The following ZSCAN5A variants were observed in gnomAD, a reference collection of about 807,000 sequenced individuals.
ZSCAN5A encodes the protein zinc finger and SCAN domain-containing protein 5A.
In ZSCAN5A, 12 loss-of-function variants were observed where a neutral mutation model predicts 23.7. The observed-to-expected ratio is 0.51, with a 90% CI of 0.32 to 0.82. The LOEUF (loss-of-function observed/expected upper bound fraction) is 0.82, where lower values mean the gene tolerates loss of function less well. ZSCAN5A is among the 40% of genes least tolerant of loss of function. ZSCAN5A has a pLI of 0.03. For missense variants in ZSCAN5A, 597 were observed against 617.9 expected, an observed-to-expected ratio of 0.97 and a Z score of 0.36; for synonymous variants, 257 against 239.9, an observed-to-expected ratio of 1.07 and a Z score of -0.66.
At chr19:56,281,817 C>A in intron 2 of ZSCAN5A, 1 of 449,582 alleles carries the variant, frequency 2.2e-6, no homozygotes, top group Non-Finnish European at 2.9e-6. Context: ...GGGGCAGATT[C>A]AGATGTCCTC....
At chr19:56,319,219 T>G (rs563884541), upstream of ZSCAN5A, among the ~76,000 whole-genome samples, 57 of 151,604 alleles carry the variant, frequency 3.8e-4, no homozygotes, top group Admixed American at 3.7e-3. Context: ...AACTTATGGC[T>G]GGGTGCAGTG....
At chr19:56,278,973 C>T (rs2038472412) in intron 2 of ZSCAN5A, among the ~76,000 whole-genome samples, 1 of 152,216 alleles carries the variant, frequency 6.6e-6, no homozygotes, top group Admixed American at 6.5e-5. Context: ...ACCTAGTCTT[C>T]CAACTCACAC....
At chr19:56,298,548 G>A (rs576201568) in intron 2 of ZSCAN5A, among the ~76,000 whole-genome samples, 127 of 152,068 alleles carry the variant, frequency 8.4e-4, no homozygotes, top group South Asian at 5.4e-3. Flanking sequence ...AGCTACTCGG[G>A]AGGCTGAGGC....
Position 56,329,006 on chromosome 19 carries a change from A to AAAAAT in ZSCAN5A, c.-357-12739_-357-12738insATTTT, listed in dbSNP as rs1555811870. The stretch of plus-strand genomic sequence containing the variant: ...CGAGACTCCGTCTCAAAAAAAAAAA[A>AAAAAT]AAATAAATAAATAAATAAATAAAAG... On this transcript the variant is annotated intron_variant, in intron 2 of 6. Coordinates refer to the ZSCAN5A transcript ENST00000587340. Among the ~76,000 whole-genome samples, 1,105 of 144,524 alleles carry AAAAAT rather than the reference A, an allele frequency of 7.6e-3. 13 individuals are homozygous for AAAAAT. The highest frequency in any genetic ancestry group is 0.028 in the African/African-American group (1,054 of 37,298). The allele number at this position is 144,524 out of a possible 152,430, so 94.8% of individuals were successfully genotyped here.
intron 2 of ZSCAN5A, among the ~76,000 whole-genome samples, chr19:56,239,283 C>T (rs2035223901): frequency 6.6e-6 from 1 of 152,184 alleles, no homozygotes; most frequent in Non-Finnish European, 1.5e-5. Context: ...AATGAATGAG[C>T]CACAATTTGA....
chr19:56,255,841 C>G (rs1268622709), intron 2 of ZSCAN5A, among the ~76,000 whole-genome samples: 1 of 152,122 alleles, frequency 6.6e-6, no homozygotes, highest in African/African-American at 2.4e-5. Flanking sequence ...TCTGAGGAGG[C>G]AGAAAACATG....
upstream of ZSCAN5A, chr19:56,315,906 A>G (rs2041302109): frequency 6.6e-6 from 1 of 152,214 alleles, no homozygotes; most frequent in African/African-American, 2.4e-5. Flanking sequence ...GATGATCACC[A>G]TTCTTACCTT....
intron 2 of ZSCAN5A, chr19:56,228,431 T>C (rs1377761511): frequency 2.0e-6 from 2 of 985,294 alleles, no homozygotes; most frequent in African/African-American, 1.7e-5. Context: ...GCGTTGATTA[T>C]GGTTCCCACT....
chr19:56,319,774 C>G (rs1468310576), upstream of ZSCAN5A: 2 of 765,826 alleles, frequency 2.6e-6, no homozygotes, highest in African/African-American at 3.4e-5. Flanking sequence ...CATCCTAAGC[C>G]CGGTCCCTCC....
intron 2 of ZSCAN5A, among the ~76,000 whole-genome samples, chr19:56,309,635 C>G (rs2040905784): frequency 1.3e-5 from 2 of 152,200 alleles, no homozygotes; most frequent in Non-Finnish European, 2.9e-5. Context: ...CAGAAGCAAA[C>G]CTTAAGGTTC....
intron 2 of ZSCAN5A, among the ~76,000 whole-genome samples, chr19:56,344,049 G>A (rs1321181504): frequency 1.3e-5 from 2 of 151,972 alleles, no homozygotes; most frequent in Non-Finnish European, 2.9e-5. Context: ...ACTGTGATAG[G>A]CATCATTTAA....
chr19:56,290,030 C>T (rs776150504), intron 2 of ZSCAN5A, among the ~76,000 whole-genome samples: 5 of 152,340 alleles, frequency 3.3e-5, no homozygotes, highest in Admixed American at 6.5e-5. Flanking sequence ...CCCAAGAGCA[C>T]TGGTCAAATG....
intron 2 of ZSCAN5A, among the ~76,000 whole-genome samples, chr19:56,350,103 G>A (rs1393612097): frequency 1.3e-5 from 2 of 152,188 alleles, no homozygotes; most frequent in African/African-American, 4.8e-5. Context: ...TCTAATTGCT[G>A]TAATATTTTG....
intron 5 of ZSCAN5A, 56 bp downstream of exon 5, chr19:56,222,535 C>G: frequency 6.3e-7 from 1 of 1,592,410 alleles, no homozygotes; most frequent in South Asian, 1.2e-5. Context: ...GGGCCCCCAG[C>G]CCCGCACCCC....
chr19:56,286,382 A>C (rs575600884), intron 2 of ZSCAN5A: 46 of 152,158 alleles, frequency 3.0e-4, no homozygotes, highest in African/African-American at 1.1e-3. Context: ...TTTTTCACAG[A>C]CGGACTGAAC....
chr19:56,346,597 G>A (rs376361310), intron 2 of ZSCAN5A, among the ~76,000 whole-genome samples: 2 of 152,036 alleles, frequency 1.3e-5, no homozygotes, highest in East Asian at 1.9e-4. Context: ...AGATATCAAC[G>A]GAATTTTGGG....
At chr19:56,366,881 C>T (rs963183012) in intron 1 of ZSCAN5A, among the ~76,000 whole-genome samples, 19 of 152,126 alleles carry the variant, frequency 1.2e-4, no homozygotes, top group African/African-American at 3.9e-4. Flanking sequence ...ACCTATCATG[C>T]GGCTCATTTT....
chr19:56,332,760 C>A (rs1346362252), intron 2 of ZSCAN5A, among the ~76,000 whole-genome samples: 14 of 152,188 alleles, frequency 9.2e-5, no homozygotes, highest in Non-Finnish European at 1.5e-5. Context: ...ATCTGAGGAC[C>A]ATATACTTAA....
intron 2 of ZSCAN5A, chr19:56,246,278 A>C (rs774646024): frequency 1.9e-5 from 6 of 309,490 alleles, no homozygotes; most frequent in Non-Finnish European, 3.0e-5. Flanking sequence ...CCACCAGTTT[A>C]GACAGGGCAG....
Sources: allele counts gnomAD v4.1 joint callset (sites outside exome capture counted in the v4.1 genomes callset), GRCh38; gene constraint gnomAD v4.1.1; transcripts MANE v1.5; gene names NCBI Gene and HGNC (gene_info 2026-07-23, HGNC 2026-07-21).